Variants in ANKRD33B observed in about 807,000 individuals in gnomAD.
The protein encoded by ANKRD33B is ankyrin repeat domain-containing protein 33B.
ANKRD33B carries 6 observed loss-of-function variants against 21.5 expected under a neutral mutation model. The observed-to-expected ratio is 0.28, with a 90% confidence interval of 0.15 to 0.55. The LOEUF (loss-of-function observed/expected upper bound fraction) is 0.55, where lower values mean the gene tolerates loss of function less well. ANKRD33B is among the 20% of genes least tolerant of loss of function. The pLI, the probability that ANKRD33B is intolerant of heterozygous loss-of-function variation, is 0.94. For synonymous variants in ANKRD33B, 347 were observed against 342.4 expected, an observed-to-expected ratio of 1.01 and a Z score of -0.15; for missense variants, 698 against 747.2, an observed-to-expected ratio of 0.93 and a Z score of 0.77.
At chr5:10,569,444 A>G (rs998375598) in intron 1 of ANKRD33B, among the ~76,000 whole-genome samples, 1 of 151,900 alleles carries the variant, frequency 6.6e-6, no homozygotes, top group African/African-American at 2.4e-5. Flanking sequence ...AAAAATACCA[A>G]AATTAGGCAG....
chr5:10,585,032 C>CA (rs1224925545), intron 1 of ANKRD33B, among the ~76,000 whole-genome samples: 2 of 152,164 alleles, frequency 1.3e-5, no homozygotes, highest in Non-Finnish European at 2.9e-5. Context: ...AGAGGGACTA[C>CA]AGCAGAGCAC....
chr5:10,583,378 T>C (rs923926559), intron 1 of ANKRD33B, among the ~76,000 whole-genome samples: 4 of 152,208 alleles, frequency 2.6e-5, no homozygotes, highest in African/African-American at 9.6e-5. Flanking sequence ...TTCTTAAAAA[T>C]AGGATAGGTC....
At chr5:10,608,445 G>A (rs530078100) in intron 1 of ANKRD33B, among the ~76,000 whole-genome samples, 55 of 152,042 alleles carry the variant, frequency 3.6e-4, no homozygotes, top group Non-Finnish European at 6.8e-4. Context: ...CTGCAGTAGC[G>A]AATCAGGATT....
rs1288464912 is a variant in ANKRD33B, at chr5:10,638,971, TGTTAGCGGGTGACGCGGAGTTGCGCGGC to T, written c.637+805_637+832del. ...CGGGTGACGCGGAGTTGCACGGCGA[TGTTAGCGGGTGACGCGGAGTTGCGCGGC>T]GATGTTAGGCGGTGACGCGGAGTTG... is the stretch of plus-strand genomic sequence containing the variant. On this transcript the variant is annotated intron_variant, in intron 3 of 3. Transcript: ENST00000296657. Among the ~76,000 whole-genome samples, 530 of 92,524 alleles carry T rather than the reference TGTTAGCGGGTGACGCGGAGTTGCGCGGC, an allele frequency of 5.7e-3. 9 individuals carry two copies. Among genetic ancestry groups the T allele is most frequent in the African/African-American group, 0.023 (493 of 21,590 alleles). The allele number at this position is 92,524 out of a possible 152,430, so 60.7% of individuals were successfully genotyped here.
chr5:10,614,025 G>GTGTGTGTGTGTGTA (rs1295818243), intron 1 of ANKRD33B, among the ~76,000 whole-genome samples: 85 of 150,564 alleles, frequency 5.6e-4, no homozygotes, highest in African/African-American at 1.9e-3. Flanking sequence ...GTGTGTGTGT[G>GTGTGTGTGTGTGTA]TATAAACATA....
rs1736352742 is a variant in ANKRD33B at position 10,619,002 on chromosome 5, C to T, written c.496+540C>T. Among the ~76,000 whole-genome samples, 1 of 152,208 alleles carries T rather than the reference C, an allele frequency of 6.6e-6. No homozygotes were observed. Among genetic ancestry groups the T allele is most frequent in the East Asian group, 1.9e-4 (1 of 5,172 alleles). ...GGTATCCAAGCATGTGGCCCTCAGC[C>T]CATCAGTCATCAAGAAGACAGTGCT... On this transcript the variant is annotated intron_variant, in intron 2 of 3. Coordinates refer to ENST00000296657, the MANE Select transcript of ANKRD33B (RefSeq NM_001164440.2). The surrounding 1 kb of genome is among the most constrained non-coding windows in gnomAD (Gnocchi z 4.5).
chr5:10,632,632 G>C (rs1313816819), intron 2 of ANKRD33B, among the ~76,000 whole-genome samples: 1 of 152,122 alleles, frequency 6.6e-6, no homozygotes, highest in Non-Finnish European at 1.5e-5. Flanking sequence ...GAATGCTCCC[G>C]TGGCTTCCTG....
In ANKRD33B at chr5:10,657,616, C is replaced by T. The variant is rs1368080365; in HGVS notation, c.*7503C>T. The T allele has an allele frequency of 2.0e-5, 3 of 152,302 alleles. No homozygotes were observed. Among genetic ancestry groups the T allele is most frequent in the African/African-American group, 7.2e-5 (3 of 41,428 alleles). 9.4% of individuals were successfully genotyped at this position (152,302 alleles called of 1,614,324 possible). Reference sequence around the variant, plus strand: ...GGGACCTACAAATAAATGTGATTCCCAGCAGCTTCAATTTTTGATATTCAA... The same window carrying T: ...GGGACCTACAAATAAATGTGATTCCTAGCAGCTTCAATTTTTGATATTCAA... On this transcript the variant is annotated 3_prime_UTR_variant, in exon 4 of 4. Transcript: ENST00000296657.
At chr5:10,567,745 G>A (rs1353262191) in intron 1 of ANKRD33B, among the ~76,000 whole-genome samples, 1 of 152,242 alleles carries the variant, frequency 6.6e-6, no homozygotes, top group East Asian at 1.9e-4. Context: ...AGGGGAAAGA[G>A]GAGTTAGACG....
intron 2 of ANKRD33B, among the ~76,000 whole-genome samples, chr5:10,622,455 T>TCTTATAG (rs1412526257): frequency 1.3e-5 from 2 of 152,224 alleles, no homozygotes; most frequent in African/African-American, 4.8e-5. Flanking sequence ...AAGTTATTGG[T>TCTTATAG]CTTATAGCAC....
intron 1 of ANKRD33B, among the ~76,000 whole-genome samples, chr5:10,588,182 T>C (rs1398771267): frequency 1.3e-5 from 2 of 152,234 alleles, no homozygotes; most frequent in Non-Finnish European, 2.9e-5. Flanking sequence ...GATAAAAAAG[T>C]GACTGCGAAT....
Position 10,649,520 on chromosome 5 carries a change from G to C in ANKRD33B, c.892G>C (p.Gly298Arg), listed in dbSNP as rs756213039. 1 of 1,533,734 alleles carries C rather than the reference G, an allele frequency of 6.5e-7. No individual in the cohort carries two copies. The highest frequency in any genetic ancestry group is 1.2e-5 in the South Asian group (1 of 83,948). ...CGTGCTGACGCCGCGCTCCGTGCGG[G>C]GCCCGGAGGACGGGGGCGTCCTGGA... is the stretch of plus-strand genomic sequence containing the variant. ...LSVLTPRSVRGPEDGGVLDHM... is the reference protein window; with the variant it reads ...LSVLTPRSVRRPEDGGVLDHM... Residue 298 changes from glycine to arginine, a missense_variant, in exon 4 of 4, where the codon GGC becomes CGC. Gly to Arg is a moderately radical substitution (Grantham distance 125). Coordinates refer to ENST00000296657, the MANE Select transcript of ANKRD33B (RefSeq NM_001164440.2).
intron 1 of ANKRD33B, among the ~76,000 whole-genome samples, chr5:10,610,424 A>T (rs1054335846): frequency 2.7e-5 from 4 of 149,088 alleles, no homozygotes; most frequent in Non-Finnish European, 4.4e-5. Flanking sequence ...ATAAAGAATT[A>T]TCTGGCCCCA....
chr5:10,650,930 T>C lies in ANKRD33B; in HGVS notation c.*817T>C, dbSNP rs138330191. ...AAATCTTTAACATTAAAAATAGATATGAGAAAAAAACTGTCATTCGATAAA... is the reference window on the plus strand; with the variant it reads ...AAATCTTTAACATTAAAAATAGATACGAGAAAAAAACTGTCATTCGATAAA... On this transcript the variant is annotated 3_prime_UTR_variant, in exon 4 of 4. Coordinates refer to ENST00000296657, the MANE Select transcript of ANKRD33B (RefSeq NM_001164440.2). 3.9e-4 allele frequency: 59 copies of C among 152,360 alleles called. No individual in the cohort carries two copies. Among genetic ancestry groups the C allele is most frequent in the African/African-American group, 1.3e-3 (56 of 41,514 alleles). 9.4% of individuals were successfully genotyped at this position (152,360 alleles called of 1,614,324 possible).
chr5:10,633,366 T>C (rs1343899207), intron 2 of ANKRD33B, among the ~76,000 whole-genome samples: 1 of 152,278 alleles, frequency 6.6e-6, no homozygotes, highest in Non-Finnish European at 1.5e-5. Flanking sequence ...CCCAGAGTGC[T>C]GGGATTACAG....
chr5:10,649,698 A>G lies in ANKRD33B; in HGVS notation c.1070A>G (p.Gln357Arg), dbSNP rs1299874642. The change falls in exon 4 of 4, where the codon CAG becomes CGG. Residue 357 changes from glutamine (Q) to arginine (R), a missense_variant. Gln to Arg is a conservative substitution (Grantham distance 43, BLOSUM62 1). Around this residue, in one of 3 missense-constraint regions of ANKRD33B, gnomAD observed 543 missense variants for 566.5 expected, o/e 0.96. Coordinates refer to ENST00000296657, the MANE Select transcript of ANKRD33B (RefSeq NM_001164440.2). Reference sequence around the variant, plus strand: ...CGGGCTGCACGGGGCCCCCAGGCGCAGGAGGAGGATGAGGTGGGGGGCGCG... The same window carrying G: ...CGGGCTGCACGGGGCCCCCAGGCGCGGGAGGAGGATGAGGTGGGGGGCGCG... ...AARAARGPQA[Q>R]EEDEVGGAGQ... 6.6e-7 allele frequency: 1 copy of G among 1,518,320 alleles called. No individual in the cohort carries two copies. Among genetic ancestry groups the G allele is most frequent in the Admixed American group, 2.0e-5 (1 of 49,882 alleles). The allele number at this position is 1,518,320 out of a possible 1,614,324, so 94.1% of individuals were successfully genotyped here.
intron 1 of ANKRD33B, among the ~76,000 whole-genome samples, chr5:10,587,163 C>T (rs994990033): frequency 2.0e-5 from 3 of 152,104 alleles, no homozygotes; most frequent in South Asian, 2.1e-4. Flanking sequence ...TACAGACGCC[C>T]GCCACCATGC....
chr5:10,635,096 A>G (rs1429439587), intron 2 of ANKRD33B, among the ~76,000 whole-genome samples: 1 of 152,056 alleles, frequency 6.6e-6, no homozygotes, highest in African/African-American at 2.4e-5. Context: ...GAACAGATCT[A>G]TATAATGGGT....
chr5:10,566,214 C>T (rs1176827390), intron 1 of ANKRD33B, among the ~76,000 whole-genome samples: 4 of 152,166 alleles, frequency 2.6e-5, no homozygotes, highest in South Asian at 2.1e-4. Flanking sequence ...GTGGCGTCCC[C>T]GTAGGTAGCA....
Sources: allele counts gnomAD v4.1 joint callset (sites outside exome capture counted in the v4.1 genomes callset), GRCh38; gene constraint gnomAD v4.1.1; regional missense constraint gnomAD v4.1.1; non-coding constraint Gnocchi (gnomAD v3.1); transcripts MANE v1.5; gene names NCBI Gene and HGNC (gene_info 2026-07-23, HGNC 2026-07-21).